STX4: variants seen among roughly 807,000 people sequenced by gnomAD.
The protein encoded by STX4 is syntaxin-4.
Under a neutral mutation model 41.8 loss-of-function variants are expected in STX4, and 24 were observed. That is an observed-to-expected ratio of 0.57 (90% CI 0.42 to 0.81). The LOEUF (loss-of-function observed/expected upper bound fraction) is 0.81. STX4 is among the 30% of genes least tolerant of loss of function. The pLI is 0.00. For synonymous variants in STX4, 158 were observed against 156.4 expected, an observed-to-expected ratio of 1.01 and a Z score of -0.08; for missense variants, 316 against 389.9, an observed-to-expected ratio of 0.81 and a Z score of 1.60.
In STX4 at chr16:31,039,709, C is replaced by T. The variant is rs765930924; in HGVS notation, c.814-14C>T. 3 of 1,614,092 alleles carry T rather than the reference C, an allele frequency of 1.9e-6. No individual in the cohort carries two copies. The highest frequency in any genetic ancestry group is 2.7e-5 in the African/African-American group (2 of 74,946). Reference sequence around the variant, plus strand: ...CACCCTGTGTGACTTCCCTGACCCCCTCCTCTCCCACAGAAGAAAGTCTTG... The same window carrying T: ...CACCCTGTGTGACTTCCCTGACCCCTTCCTCTCCCACAGAAGAAAGTCTTG... On this transcript the variant is annotated splice_polypyrimidine_tract_variant and intron_variant, in intron 9 of 10. Coordinates refer to ENST00000313843, the MANE Select transcript of STX4 (RefSeq NM_004604.5). This position sits in a 1 kb window ranked among gnomAD's most constrained non-coding sequence, Gnocchi z 4.1.
rs996977992 is a variant in STX4, at chr16:31,039,499, A to G, written c.703-42A>G. 6.3e-7 allele frequency: 1 copy of G among 1,596,218 alleles called. No individual in the cohort carries two copies. Among genetic ancestry groups the G allele is most frequent in the Non-Finnish European group, 8.6e-7 (1 of 1,166,330 alleles). ...TCAGTCATCTGGGGTGGGGTGGGCAAAGGCATCCTTACCTCCCTGAACCAC... is the reference window on the plus strand; with the variant it reads ...TCAGTCATCTGGGGTGGGGTGGGCAGAGGCATCCTTACCTCCCTGAACCAC... On this transcript the variant is annotated intron_variant, in intron 8 of 10. Transcript: ENST00000313843. This position sits in a 1 kb window ranked among gnomAD's most constrained non-coding sequence, Gnocchi z 4.1.
intron 5 of STX4, 26 bp from the exon 6 acceptor site, chr16:31,037,900 A>C: frequency 6.2e-7 from 1 of 1,613,250 alleles, no homozygotes; most frequent in Non-Finnish European, 8.5e-7. Context: ...TCCCAGGGGC[A>C]CTCAGCCTAT....
chr16:31,038,687 A>T (rs368092893), intron 8 of STX4, 40 bp downstream of exon 8: 1 of 1,607,212 alleles, frequency 6.2e-7, no homozygotes. Flanking sequence ...GACCAGGCTC[A>T]GTCCAAACTG....
rs1270438885 is a variant in STX4 at position 31,039,256 on chromosome 16, G to C, written c.703-285G>C. 2.5e-6 allele frequency: 1 copy of C among 399,898 alleles called. No individual in the cohort carries two copies. Among genetic ancestry groups the C allele is most frequent in the African/African-American group, 2.0e-5 (1 of 49,570 alleles). 24.8% of individuals were successfully genotyped at this position (399,898 alleles called of 1,614,324 possible). A position where few individuals can be genotyped will look rare whatever the true frequency, so the allele number is the denominator to read the frequency against. On this transcript the variant is annotated intron_variant, in intron 8 of 10. Coordinates refer to ENST00000313843, the MANE Select transcript of STX4 (RefSeq NM_004604.5). The surrounding 1 kb of genome is among the most constrained non-coding windows in gnomAD (Gnocchi z 4.1). Reference sequence around the variant, plus strand: ...GGTAAATTCAGACAGATTTGTGAAGGCACAGTTCACCATCTGTGAAAGGTA... The same window carrying C: ...GGTAAATTCAGACAGATTTGTGAAGCCACAGTTCACCATCTGTGAAAGGTA...
At chr16:31,038,786 C>T in intron 8 of STX4, 139 bp downstream of exon 8, 3 of 1,147,968 alleles carry the variant, frequency 2.6e-6, no homozygotes, top group Non-Finnish European at 3.7e-6. Context: ...TTATTCCTAT[C>T]CTTAGCTGTA....
At chr16:31,033,112 G>A (rs1053663422), upstream of STX4, 2 of 528,508 alleles carry the variant, frequency 3.8e-6, no homozygotes, top group Admixed American at 4.5e-5. The surrounding 1 kb of genome is among the most constrained non-coding windows in gnomAD (Gnocchi z 5.5). Context: ...GCCTCGAAAG[G>A]CCTCTGGGGG....
At position 31,033,809 on chromosome 16, in the gene STX4, C is replaced by A. The variant is rs901412339; in HGVS notation, c.4C>A (p.Arg2=). Residue 2 remains arginine, a synonymous_variant, in exon 1 of 11, where the codon CGG becomes AGG. Transcript: ENST00000313843. The surrounding 1 kb of genome is among the most constrained non-coding windows in gnomAD (Gnocchi z 5.5). ...GGGAGGGAGAGCTCAGGCCGCCATG[C>A]GGGACAGGACCCACGAGCTGAGACA... M[R]DRTHELRQGD... is the part of the protein sequence containing the mutation. 6.9e-7 allele frequency: 1 copy of A among 1,450,240 alleles called. No individual in the cohort carries two copies. Among genetic ancestry groups the A allele is most frequent in the Admixed American group, 2.9e-5 (1 of 34,232 alleles). The allele number at this position is 1,450,240 out of a possible 1,614,324, so 89.8% of individuals were successfully genotyped here. A position where few individuals can be genotyped will look rare whatever the true frequency, so the allele number is the denominator to read the frequency against.
chr16:31,038,199 C>A lies in STX4; in HGVS notation c.564+9C>A. 1.2e-6 allele frequency: 2 copies of A among 1,613,628 alleles called. No individual in the cohort carries two copies. Among genetic ancestry groups the A allele is most frequent in the Non-Finnish European group, 1.7e-6 (2 of 1,179,938 alleles). Reference sequence around the variant, plus strand: ...AGGTGTTTGTGTCCAATGTGAGTGGCCACAGCCAGCCCCTCTCTGCTGTGC... The same window carrying A: ...AGGTGTTTGTGTCCAATGTGAGTGGACACAGCCAGCCCCTCTCTGCTGTGC... On this transcript the variant is annotated intron_variant, in intron 7 of 10. Transcript: ENST00000313843.
At chr16:31,035,144 T>C (rs1029694397) in intron 5 of STX4, 104 bp downstream of exon 5, 12 of 860,162 alleles carry the variant, frequency 1.4e-5, no homozygotes, top group Non-Finnish European at 1.9e-5. Context: ...TGGAGTCCAA[T>C]TGGATGACTT....
rs775241348 is a variant in STX4 at position 31,039,669 on chromosome 16, G to A, written c.813+18G>A. ...CGAGGAAGGTGAGCCTCCCAGGCCC[G>A]GCCACTGCCCCAGGCACCCTGTGTG... On this transcript the variant is annotated intron_variant, in intron 9 of 10. Transcript: ENST00000313843. The surrounding 1 kb of genome is among the most constrained non-coding windows in gnomAD (Gnocchi z 4.1). The A allele has an allele frequency of 1.9e-5, 30 of 1,614,122 alleles. No homozygotes were observed. In the South Asian group the frequency reaches 3.0e-4, roughly 16 times the overall value.
intron 8 of STX4, chr16:31,038,982 C>G: frequency 3.2e-6 from 1 of 307,696 alleles, no homozygotes; most frequent in Non-Finnish European, 6.3e-6. Context: ...GGGGCTGCCT[C>G]CTAACATCTG....
chr16:31,033,713 G>A lies in STX4; in HGVS notation c.-93G>A. The A allele has an allele frequency of 6.9e-7, 1 of 1,447,740 alleles. No homozygotes were observed. The allele number at this position is 1,447,740 out of a possible 1,614,324, so 89.7% of individuals were successfully genotyped here. ...GGGGGTGTTGGGGTCCGCAGGGGGA[G>A]GGAGGGGAGTGTCAGAGTGTGAGCG... On this transcript the variant is annotated 5_prime_UTR_variant, in exon 1 of 11. Transcript: ENST00000313843. This position sits in a 1 kb window ranked among gnomAD's most constrained non-coding sequence, Gnocchi z 5.5.
At chr16:31,038,231 T>G (rs2056818122) in intron 7 of STX4, 41 bp downstream of exon 7, 2 of 1,610,332 alleles carry the variant, frequency 1.2e-6, no homozygotes, top group Non-Finnish European at 1.7e-6. Flanking sequence ...GTGCCTCCCA[T>G]CCCCTCTGAG....
chr16:31,034,574 A>G (rs373567527), intron 4 of STX4, 38 bp downstream of exon 4: 82 of 1,522,052 alleles, frequency 5.4e-5, no homozygotes, highest in Middle Eastern at 1.9e-4. Flanking sequence ...CTTCCCTCTG[A>G]TCCTGCCCTG....
chr16:31,033,419 T>C (rs777996810), upstream of STX4: 2 of 1,435,648 alleles, frequency 1.4e-6, no homozygotes. The surrounding 1 kb of genome is among the most constrained non-coding windows in gnomAD (Gnocchi z 5.5). Context: ...ACGGTTCCGG[T>C]GACGGTAGCA....
chr16:31,036,331 A>G (rs2056799446), intron 5 of STX4, among the ~76,000 whole-genome samples: 1 of 152,148 alleles, frequency 6.6e-6, no homozygotes, highest in Non-Finnish European at 1.5e-5. Context: ...GGCAAGGCAG[A>G]GCAGATGCCC....
chr16:31,033,600 C>A lies in STX4; in HGVS notation c.-206C>A, dbSNP rs2056772521. The A allele has an allele frequency of 4.6e-6, 7 of 1,517,342 alleles. No individual in the cohort carries two copies. Among genetic ancestry groups the A allele is most frequent in the Non-Finnish European group, 6.2e-6 (7 of 1,131,396 alleles). 94.0% of individuals were successfully genotyped at this position (1,517,342 alleles called of 1,614,324 possible). A position where few individuals can be genotyped will look rare whatever the true frequency, so the allele number is the denominator to read the frequency against. On this transcript the variant is annotated 5_prime_UTR_variant, in exon 1 of 11. Transcript: ENST00000313843. The surrounding 1 kb of genome is among the most constrained non-coding windows in gnomAD (Gnocchi z 5.5). ...TGGAGCGGGGAAGAAAAGGGAATTC[C>A]AACCTGTGGAACCTTGGGGGGTCCC... is the stretch of plus-strand genomic sequence containing the variant.
intron 4 of STX4, chr16:31,034,752 C>A: frequency 1.4e-6 from 1 of 691,234 alleles, no homozygotes; most frequent in Non-Finnish European, 2.3e-6. Flanking sequence ...CATTTACTTA[C>A]ACAGTTATCG....
chr16:31,038,365 C>A, intron 7 of STX4, 145 bp from the exon 8 acceptor site: 1 of 1,341,020 alleles, frequency 7.5e-7, no homozygotes, highest in Non-Finnish European at 1.0e-6. Flanking sequence ...TTAAGGGCAC[C>A]CTGAGGCCTC....
Sources: gnomAD v4.1 joint callset for allele counts (sites outside exome capture counted in the v4.1 genomes callset) on GRCh38, gnomAD v4.1.1 for gene constraint, Gnocchi (gnomAD v3.1) non-coding constraint, MANE v1.5 for transcripts, NCBI Gene and HGNC (gene_info 2026-07-23, HGNC 2026-07-21) for gene names.